SLCO1C1: variants seen among roughly 807,000 people sequenced by gnomAD.
The protein encoded by SLCO1C1 is OAT-RP-5.
In SLCO1C1, 70 loss-of-function variants were observed where a neutral mutation model predicts 76.4. That is an observed-to-expected ratio of 0.92 (90% CI 0.76 to 1.12). SLCO1C1 has a LOEUF of 1.12. Ranked by LOEUF, SLCO1C1 falls within the 50% of genes most tolerant of loss-of-function variation. The pLI, the probability that SLCO1C1 is intolerant of heterozygous loss-of-function variation, is 0.00. For missense variants in SLCO1C1, 912 were observed against 823.8 expected (o/e 1.11, Z -1.31); for synonymous variants, 306 against 286.1 (o/e 1.07, Z -0.70).
At chr12:20,725,198 T>G (rs1947910665) in intron 9 of SLCO1C1, among the ~76,000 whole-genome samples, 2 of 137,078 alleles carry the variant, frequency 1.5e-5, no homozygotes, top group African/African-American at 5.3e-5. Flanking sequence ...TAATTATTTA[T>G]AATAGTATTT....
At chr12:20,727,266 G>A (rs1379642864) in intron 9 of SLCO1C1, among the ~76,000 whole-genome samples, 1 of 152,110 alleles carries the variant, frequency 6.6e-6, no homozygotes, top group Non-Finnish European at 1.5e-5. Flanking sequence ...AGTTCTTTGA[G>A]AAATATCCAA....
At chr12:20,740,419 C>A in intron 12 of SLCO1C1, 51 bp downstream of exon 12, 2 of 1,524,128 alleles carry the variant, frequency 1.3e-6, no homozygotes, top group South Asian at 2.5e-5. Flanking sequence ...ACAATCATCT[C>A]GAGCAATGAT....
intron 9 of SLCO1C1, among the ~76,000 whole-genome samples, chr12:20,727,730 C>G (rs1267238010): frequency 6.6e-6 from 1 of 152,180 alleles, no homozygotes; most frequent in Non-Finnish European, 1.5e-5. Context: ...AGGATGGTCT[C>G]AATCTCCTGA....
Position 20,717,146 on chromosome 12 carries a change from G to T in SLCO1C1, c.691G>T (p.Val231Phe), listed in dbSNP as rs1221692894. ...TCTTGGTGCAGGGTGTGTGCAGACGGTTGCAATTATAGGACCAATCTTTGG... is the reference window on the plus strand; with the variant it reads ...TCTTGGTGCAGGGTGTGTGCAGACGTTTGCAATTATAGGACCAATCTTTGG... Reference protein sequence around the residue: ...AAFYIGCVQTVAIIGPIFGFL... With the variant: ...AAFYIGCVQTFAIIGPIFGFL... The change falls in exon 7 of 15, where the codon GTT becomes TTT. Residue 231 changes from valine (V) to phenylalanine (F), a missense_variant. Coordinates refer to ENST00000266509, the MANE Select transcript of SLCO1C1 (RefSeq NM_017435.5). 4 of 1,601,490 alleles carry T rather than the reference G, an allele frequency of 2.5e-6. No homozygotes were observed. The highest frequency in any genetic ancestry group is 2.6e-6 in the Non-Finnish European group (3 of 1,175,582).
chr12:20,724,963 T>C (rs559473600), intron 9 of SLCO1C1, among the ~76,000 whole-genome samples: 1 of 141,236 alleles, frequency 7.1e-6, no homozygotes, highest in African/African-American at 2.5e-5. Flanking sequence ...TTATAGGTAA[T>C]ATTATAAATT....
At position 20,753,295 on chromosome 12, in the gene SLCO1C1, C is replaced by A. The variant is rs1265623785; in HGVS notation, c.*767C>A. ...ACTGCCCCACTTTAATATATGTAAGCAACTTCCTACTTATACACGACGTGT... is the reference window on the plus strand; with the variant it reads ...ACTGCCCCACTTTAATATATGTAAGAAACTTCCTACTTATACACGACGTGT... On this transcript the variant is annotated 3_prime_UTR_variant, in exon 15 of 15. Coordinates refer to ENST00000266509, the MANE Select transcript of SLCO1C1 (RefSeq NM_017435.5). 2 of 152,112 alleles carry A rather than the reference C, an allele frequency of 1.3e-5. No homozygotes were observed. The highest frequency in any genetic ancestry group is 2.9e-5 in the Non-Finnish European group (2 of 68,026). 9.4% of individuals were successfully genotyped at this position (152,112 alleles called of 1,614,324 possible). A position where few individuals can be genotyped will look rare whatever the true frequency, so the allele number is the denominator to read the frequency against.
chr12:20,743,787 C>G (rs1948924500), intron 13 of SLCO1C1, among the ~76,000 whole-genome samples: 1 of 151,866 alleles, frequency 6.6e-6, no homozygotes, highest in Admixed American at 6.6e-5. Context: ...CAATGCTTAT[C>G]CCTTATGTTA....
At chr12:20,702,050 A>G (rs78462322) in intron 3 of SLCO1C1, among the ~76,000 whole-genome samples, 4,305 of 151,992 alleles carry the variant, frequency 0.028, 185 homozygotes, top group African/African-American at 0.099. Context: ...AGATCGAGTA[A>G]TTTGAGTCAC....
Position 20,717,249 on chromosome 12 carries a change from T to G in SLCO1C1, c.775+19T>G. ...AACCTAGGTAAGGAAGTTTATTTTT[T>G]ATTTATTCATGTATTTTAGTCACTG... is the stretch of plus-strand genomic sequence containing the variant. On this transcript the variant is annotated intron_variant, in intron 7 of 14. Transcript: ENST00000266509. 6.4e-7 allele frequency: 1 copy of G among 1,559,380 alleles called. No homozygotes were observed. The highest frequency in any genetic ancestry group is 8.7e-7 in the Non-Finnish European group (1 of 1,152,164).
intron 3 of SLCO1C1, among the ~76,000 whole-genome samples, chr12:20,705,305 T>C (rs369949054): frequency 9.2e-5 from 14 of 152,028 alleles, no homozygotes; most frequent in Admixed American, 2.0e-4. Flanking sequence ...TTGTATTTCA[T>C]AAAATTTGCT....
intron 12 of SLCO1C1, among the ~76,000 whole-genome samples, chr12:20,741,310 A>G (rs1195787527): frequency 2.6e-5 from 4 of 152,168 alleles, no homozygotes; most frequent in Non-Finnish European, 5.9e-5. Flanking sequence ...TTGCTTATAA[A>G]ACCCTAAACA....
At chr12:20,699,786 G>T in intron 2 of SLCO1C1, 81 bp downstream of exon 2, 2 of 1,334,352 alleles carry the variant, frequency 1.5e-6, no homozygotes, top group South Asian at 1.9e-5. Context: ...GTTAGAATGA[G>T]AATTGTTTTC....
At chr12:20,736,780 A>T (rs1407594942) in intron 10 of SLCO1C1, among the ~76,000 whole-genome samples, 1 of 152,164 alleles carries the variant, frequency 6.6e-6, no homozygotes, top group Admixed American at 6.6e-5. Context: ...CTAAAAGTTT[A>T]CTTTTCTACC....
At chr12:20,747,412 G>A (rs889359792) in intron 13 of SLCO1C1, among the ~76,000 whole-genome samples, 1 of 144,518 alleles carries the variant, frequency 6.9e-6, no homozygotes, top group African/African-American at 2.4e-5. Context: ...TTGGGTGACA[G>A]AGGGAGACTC....
Position 20,740,817 on chromosome 12 carries a change from ATG to A in SLCO1C1, c.1733+450_1733+451del, listed in dbSNP as rs56659656. On this transcript the variant is annotated intron_variant, in intron 12 of 14. Transcript: ENST00000266509. The stretch of plus-strand genomic sequence containing the variant: ...TATATATATATATATATATATATAT[ATG>A]GCTTTATCTGTATATTTTTGCCATG... Among the ~76,000 whole-genome samples, 78 of 130,316 alleles carry A rather than the reference ATG, an allele frequency of 6.0e-4. 7 individuals are homozygous for A. The Middle Eastern group carries it at 0.012, about 21-fold the overall frequency. 85.5% of individuals were successfully genotyped at this position (130,316 alleles called of 152,430 possible).
At chr12:20,726,300 AAT>A (rs1173418818) in intron 9 of SLCO1C1, among the ~76,000 whole-genome samples, 1 of 151,828 alleles carries the variant, frequency 6.6e-6, no homozygotes, top group Non-Finnish European at 1.5e-5. Context: ...CCTGCAATAA[AAT>A]ATGAGATAGA....
intron 9 of SLCO1C1, among the ~76,000 whole-genome samples, chr12:20,729,202 T>G (rs2120805401): frequency 6.6e-6 from 1 of 152,272 alleles, no homozygotes; most frequent in East Asian, 1.9e-4. Context: ...AGGAAATTTT[T>G]TATCAGCTTG....
intron 10 of SLCO1C1, among the ~76,000 whole-genome samples, chr12:20,733,593 C>T (rs1199132654): frequency 6.6e-6 from 1 of 152,188 alleles, no homozygotes; most frequent in Non-Finnish European, 1.5e-5. Context: ...TTGTTTTCTT[C>T]CTCCTTTGAA....
intron 4 of SLCO1C1, among the ~76,000 whole-genome samples, chr12:20,706,812 C>G (rs1046165731): frequency 6.6e-6 from 1 of 152,228 alleles, no homozygotes; most frequent in East Asian, 1.9e-4. Context: ...TCTCAGGCAG[C>G]AGTTTTCATA....
Sources: gnomAD v4.1 joint callset for allele counts (sites outside exome capture counted in the v4.1 genomes callset) on GRCh38, gnomAD v4.1.1 for gene constraint, MANE v1.5 for transcripts, NCBI Gene and HGNC (gene_info 2026-07-23, HGNC 2026-07-21) for gene names.